Variants in SVOP observed in about 807,000 individuals in gnomAD.
SVOP encodes SV2 related protein, also known as synaptic vesicle 2-related protein.
A neutral mutation model predicts 69.1 loss-of-function variants in SVOP; 17 were observed. That is an observed-to-expected ratio of 0.25 (90% confidence interval 0.17 to 0.37). The LOEUF (loss-of-function observed/expected upper bound fraction) is 0.37. SVOP is among the 10% of genes least tolerant of loss of function. The probability of loss-of-function intolerance (pLI) is 1.00; values close to 1 mark genes in which losing one functional copy is unlikely to be tolerated. For synonymous variants in SVOP, 238 were observed against 238.6 expected (o/e 1.00, Z 0.02); for missense variants, 435 against 597.5 (o/e 0.73, Z 2.84).
At chr12:108,992,729 G>C (rs1255811474) in intron 1 of SVOP, among the ~76,000 whole-genome samples, 3 of 152,158 alleles carry the variant, frequency 2.0e-5, no homozygotes, top group Non-Finnish European at 1.5e-5. Context: ...GCTACCAGGG[G>C]CTAGGGGATT....
At chr12:108,947,286 C>G (rs1312316276) in intron 6 of SVOP, among the ~76,000 whole-genome samples, 1 of 151,970 alleles carries the variant, frequency 6.6e-6, no homozygotes, top group Non-Finnish European at 1.5e-5. Context: ...CTCATTGCTC[C>G]TGGGGTGTCA....
chr12:108,921,752 A>G (rs10861982), intron 12 of SVOP, among the ~76,000 whole-genome samples: 49,276 of 152,000 alleles, frequency 0.32, 9,336 homozygotes, highest in South Asian at 0.58. Context: ...GAATCCTAGC[A>G]GTTGCAAGTT....
intron 5 of SVOP, among the ~76,000 whole-genome samples, chr12:108,969,230 TTCCTTCCCTCC>T (rs1328253172): frequency 1.3e-5 from 2 of 151,856 alleles, no homozygotes; most frequent in Admixed American, 1.3e-4. Flanking sequence ...TCTTCTCTCC[TTCCTTCCCTCC>T]TCCTTCCCTC....
At chr12:108,990,691 AG>A (rs1555252709) in intron 1 of SVOP, among the ~76,000 whole-genome samples, 1 of 4,462 alleles carries the variant, frequency 2.2e-4, no homozygotes, top group East Asian at 5.2e-3. Context: ...AAAACAAAAC[AG>A]AAAAATAAAT....
intron 10 of SVOP, among the ~76,000 whole-genome samples, chr12:108,935,169 G>A (rs2039848895): frequency 6.6e-6 from 1 of 152,190 alleles, no homozygotes; most frequent in African/African-American, 2.4e-5. Flanking sequence ...TTAGGGCTCT[G>A]GGTCAATTGC....
intron 7 of SVOP, among the ~76,000 whole-genome samples, chr12:108,941,337 C>T (rs991536111): frequency 2.0e-5 from 3 of 152,106 alleles, no homozygotes; most frequent in African/African-American, 7.2e-5. Flanking sequence ...ATCCTCCCAC[C>T]TCAGCCTCCT....
rs930330030 is a variant in SVOP at position 108,912,367 on chromosome 12, A to T, written c.*168T>A. Reference sequence around the variant, plus strand: ...CAAACATCTCCCCATCCCTGGGTGGACCTCAATGAAGATGAGCAAACTGAG... The same window carrying T: ...CAAACATCTCCCCATCCCTGGGTGGTCCTCAATGAAGATGAGCAAACTGAG... On this transcript the variant is annotated 3_prime_UTR_variant, in exon 16 of 16. Coordinates refer to ENST00000610966, the MANE Select transcript of SVOP (RefSeq NM_018711.5). The T allele has an allele frequency of 8.1e-6, 12 of 1,478,002 alleles. No homozygotes were observed. In the Admixed American group the frequency reaches 1.3e-4, roughly 15 times the overall value. The allele number at this position is 1,478,002 out of a possible 1,614,324, so 91.6% of individuals were successfully genotyped here.
At chr12:108,927,183 C>T (rs886436162) in intron 11 of SVOP, among the ~76,000 whole-genome samples, 2 of 152,000 alleles carry the variant, frequency 1.3e-5, no homozygotes, top group Non-Finnish European at 1.5e-5. Flanking sequence ...AGGAAAATGC[C>T]GATACTCTGG....
intron 2 of SVOP, among the ~76,000 whole-genome samples, chr12:108,981,963 C>T (rs2040137567): frequency 6.6e-6 from 1 of 152,002 alleles, no homozygotes; most frequent in Non-Finnish European, 1.5e-5. Context: ...CCATCATCTT[C>T]ATCATCATCA....
intron 15 of SVOP, among the ~76,000 whole-genome samples, chr12:108,915,492 G>T (rs1395381484): frequency 4.6e-5 from 7 of 152,270 alleles, no homozygotes; most frequent in Admixed American, 3.9e-4. Context: ...CATCCACATT[G>T]TTTTTAAGCA....
Position 108,912,489 on chromosome 12 carries a change from C to A in SVOP, c.*46G>T. The A allele has an allele frequency of 6.2e-7, 1 of 1,609,370 alleles. No homozygotes were observed. Among genetic ancestry groups the A allele is most frequent in the Non-Finnish European group, 8.5e-7 (1 of 1,176,072 alleles). On this transcript the variant is annotated 3_prime_UTR_variant, in exon 16 of 16. Coordinates refer to ENST00000610966, the MANE Select transcript of SVOP (RefSeq NM_018711.5). ...TGCCCCAGTTGGGGCCTGCCAGCCC[C>A]CCAAGCTCTGCAGCCTCAAAGACCA...
chr12:108,999,536 T>A (rs2135619214), intron 1 of SVOP, among the ~76,000 whole-genome samples: 1 of 131,600 alleles, frequency 7.6e-6, no homozygotes, highest in Non-Finnish European at 1.6e-5. Context: ...ACCACACCTA[T>A]TCCAAAATTG....
chr12:108,972,462 G>A lies in SVOP; in HGVS notation c.396C>T (p.Gly132=). The A allele has an allele frequency of 6.5e-7, 1 of 1,537,260 alleles. No individual in the cohort carries two copies. The highest frequency in any genetic ancestry group is 8.7e-7 in the Non-Finnish European group (1 of 1,146,906). The stretch of plus-strand genomic sequence containing the variant: ...CCCAGAGCGTGGAGCTGGACATCAT[G>A]CCTACAAAGACCACCTGTGGGGGGA... ...VALLTSVVFV[G]MMSSSTLWGN... is the part of the protein sequence containing the mutation. Residue 132 remains glycine (G), a synonymous_variant, in exon 5 of 16, where the codon GGC becomes GGT. Coordinates refer to ENST00000610966, the MANE Select transcript of SVOP (RefSeq NM_018711.5).
intron 6 of SVOP, among the ~76,000 whole-genome samples, chr12:108,946,687 GTTT>G (rs36129585): frequency 7.9e-6 from 1 of 126,820 alleles, no homozygotes; most frequent in Non-Finnish European, 1.7e-5. Context: ...GTTGCAACCT[GTTT>G]TTATTATTAT....
chr12:108,952,753 A>G (rs1339600207), intron 6 of SVOP, among the ~76,000 whole-genome samples: 7 of 152,108 alleles, frequency 4.6e-5, no homozygotes, highest in African/African-American at 1.2e-4. Context: ...TAGCTACTCC[A>G]GAGGCTGTGG....
chr12:108,958,189 C>T lies in SVOP; in HGVS notation c.578+2734G>A, dbSNP rs377488669. Among the ~76,000 whole-genome samples, 5 of 152,070 alleles carry T rather than the reference C, an allele frequency of 3.3e-5. No homozygotes were observed. The East Asian group carries it at 5.8e-4, about 18-fold the overall frequency. On this transcript the variant is annotated intron_variant, in intron 6 of 15. Coordinates refer to ENST00000610966, the MANE Select transcript of SVOP (RefSeq NM_018711.5). ...GCCTATTTTCATTATTCTTTAATAG[C>T]GAGGGGGTCTAGCTATGTTGCCCAG...
chr12:108,989,021 C>A (rs924848421), intron 1 of SVOP, among the ~76,000 whole-genome samples: 3 of 152,098 alleles, frequency 2.0e-5, no homozygotes, highest in Non-Finnish European at 4.4e-5. Flanking sequence ...GATCGGCCTG[C>A]CTTAGCCTCC....
At chr12:108,990,124 C>T (rs2040191468) in intron 1 of SVOP, among the ~76,000 whole-genome samples, 1 of 152,180 alleles carries the variant, frequency 6.6e-6, no homozygotes, top group Admixed American at 6.5e-5. Flanking sequence ...GTCAGTGCCT[C>T]TCCCAAGCAT....
rs182627429 is a variant in SVOP, at chr12:108,978,134, A to G, written c.282+444T>C. ...ATTTGGGAAAATATGTAGTTAGATC[A>G]CCATCTCCTGCCATTCACAAAAATT... On this transcript the variant is annotated intron_variant, in intron 3 of 15. Coordinates refer to ENST00000610966, the MANE Select transcript of SVOP (RefSeq NM_018711.5). Among the ~76,000 whole-genome samples the G allele has an allele frequency of 3.2e-4, 49 of 152,300 alleles. No individual in the cohort carries two copies. In the East Asian group the frequency reaches 6.9e-3, roughly 22 times the overall value.
Sources: gnomAD v4.1 joint callset for allele counts (sites outside exome capture counted in the v4.1 genomes callset) on GRCh38, gnomAD v4.1.1 for gene constraint, MANE v1.5 for transcripts, NCBI Gene and HGNC (gene_info 2026-07-23, HGNC 2026-07-21) for gene names.